The following BCAS3 variants were observed in gnomAD, a reference collection of about 807,000 sequenced individuals.
BCAS3 encodes the protein BCAS4/BCAS3 fusion.
A neutral mutation model predicts 116.1 loss-of-function variants in BCAS3; 53 were observed. The ratio of observed to expected loss-of-function variants is 0.46; its 90% confidence interval spans 0.37 to 0.57. BCAS3 has a LOEUF of 0.57. Among genes scored for constraint, BCAS3 ranks in the 20% least tolerant of loss-of-function variants. The probability of loss-of-function intolerance (pLI) is 0.00; values close to 1 mark genes in which losing one functional copy is unlikely to be tolerated. For missense variants in BCAS3, 917 were observed against 1,165.4 expected (o/e 0.79, Z 3.10); for synonymous variants, 391 against 408.2 (o/e 0.96, Z 0.51).
chr17:61,111,143 G>C (rs1269263519), intron 22 of BCAS3, among the ~76,000 whole-genome samples: 1 of 151,508 alleles, frequency 6.6e-6, no homozygotes, highest in Non-Finnish European at 1.5e-5. Flanking sequence ...GGAAAAAACA[G>C]AACAGAAAAA....
At chr17:60,682,470 C>T (rs950109090) in intron 2 of BCAS3, among the ~76,000 whole-genome samples, 2 of 152,092 alleles carry the variant, frequency 1.3e-5, no homozygotes, top group African/African-American at 4.8e-5. Flanking sequence ...ATATTATTTT[C>T]AAGTGTGATT....
chr17:61,093,753 T>C (rs2143611866), intron 22 of BCAS3, among the ~76,000 whole-genome samples: 1 of 152,350 alleles, frequency 6.6e-6, no homozygotes, highest in African/African-American at 2.4e-5. Context: ...TTCTGTTACA[T>C]TGATTTATAT....
At chr17:61,210,402 A>T (rs2144329256) in intron 22 of BCAS3, among the ~76,000 whole-genome samples, 1 of 152,292 alleles carries the variant, frequency 6.6e-6, no homozygotes, top group Admixed American at 6.5e-5. Context: ...GGAACCCTTT[A>T]GAAATTTACC....
chr17:61,081,329 T>C (rs904063773), intron 21 of BCAS3, among the ~76,000 whole-genome samples: 18 of 152,200 alleles, frequency 1.2e-4, no homozygotes, highest in African/African-American at 3.6e-4. Flanking sequence ...CTTTCTTTGT[T>C]ACTCTTTTCC....
intron 22 of BCAS3, among the ~76,000 whole-genome samples, chr17:61,223,125 T>C (rs1196081482): frequency 6.6e-6 from 1 of 151,940 alleles, no homozygotes; most frequent in Non-Finnish European, 1.5e-5. Context: ...TTAATTTTAC[T>C]TTCAATATGT....
intron 22 of BCAS3, among the ~76,000 whole-genome samples, chr17:61,111,549 A>G (rs2075093095): frequency 6.6e-6 from 1 of 151,424 alleles, no homozygotes; most frequent in African/African-American, 2.4e-5. Flanking sequence ...AAGAATAAAA[A>G]GAAATGAGCA....
In BCAS3 at chr17:61,156,249, C is replaced by G. The variant is rs1473854101; in HGVS notation, c.2425+71685C>G. ...TGGTTAAAGTTTGGGTCAATGTATT[C>G]ATTTTGGTCTTCTTTTCAGGGATTG... On this transcript the variant is annotated intron_variant, in intron 22 of 23. Transcript: ENST00000407086. The surrounding 1 kb of genome is among the most constrained non-coding windows in gnomAD (Gnocchi z 4.7). 6.6e-6 allele frequency among the ~76,000 whole-genome samples: 1 copy of G among 151,624 alleles called. No homozygotes were observed. The highest frequency in any genetic ancestry group is 1.5e-5 in the Non-Finnish European group (1 of 67,930).
At chr17:61,159,641 C>T (rs934648455) in intron 22 of BCAS3, among the ~76,000 whole-genome samples, 1 of 152,148 alleles carries the variant, frequency 6.6e-6, no homozygotes, top group Non-Finnish European at 1.5e-5. Context: ...AGTGAAAACA[C>T]CCTTGCCTTC....
At chr17:61,055,308 C>G (rs529001083) in intron 19 of BCAS3, among the ~76,000 whole-genome samples, 1 of 152,306 alleles carries the variant, frequency 6.6e-6, no homozygotes, top group South Asian at 2.1e-4. Context: ...AACAGGAATT[C>G]TGGCGCCATT....
chr17:61,038,187 C>A, intron 18 of BCAS3, 133 bp downstream of exon 18: 1 of 738,540 alleles, frequency 1.4e-6, no homozygotes, highest in Non-Finnish European at 2.1e-6. Context: ...TAAACAAATA[C>A]ATCACTCTCA....
chr17:60,891,502 A>G (rs568874230), intron 10 of BCAS3, among the ~76,000 whole-genome samples: 1 of 152,238 alleles, frequency 6.6e-6, no homozygotes, highest in Non-Finnish European at 1.5e-5. Flanking sequence ...ATGTCCTTAC[A>G]TAGTATTTTC....
At position 61,249,850 on chromosome 17, in the gene BCAS3, A is replaced by G. The variant is rs1228648300; in HGVS notation, c.2426-118477A>G. On this transcript the variant is annotated intron_variant, in intron 22 of 23. Transcript: ENST00000407086. The surrounding 1 kb of genome is among the most constrained non-coding windows in gnomAD (Gnocchi z 6.2). Reference sequence around the variant, plus strand: ...CCTGATAGACCCATGGAATACAAAAAAAATGTGATGACCCAATCACATTTA... The same window carrying G: ...CCTGATAGACCCATGGAATACAAAAGAAATGTGATGACCCAATCACATTTA... 2.6e-5 allele frequency among the ~76,000 whole-genome samples: 4 copies of G among 152,354 alleles called. No individual in the cohort carries two copies. The highest frequency in any genetic ancestry group is 9.6e-5 in the African/African-American group (4 of 41,586).
At position 60,747,207 on chromosome 17, in the gene BCAS3, G is replaced by A. The variant is rs748225804; in HGVS notation, c.331G>A (p.Glu111Lys). ...TTCTTCTCTTATGCAGATCAGTGGT[G>A]AAGCACAAGAGCTCTTCTCTGTTCG... is the stretch of plus-strand genomic sequence containing the variant. ...MQVWSIPISG[E>K]AQELFSVRHG... The change falls in exon 6 of 24, where the codon GAA (glutamate) becomes AAA (lysine). Residue 111 changes from glutamate (E) to lysine (K), a missense_variant. Around this residue, in one of 3 missense-constraint regions of BCAS3, gnomAD observed 807 missense variants for 1,026.0 expected, o/e 0.79. Coordinates refer to ENST00000407086, the MANE Select transcript of BCAS3 (RefSeq NM_017679.5). 30 of 1,611,220 alleles carry A rather than the reference G, an allele frequency of 1.9e-5. No individual in the cohort carries two copies. Among genetic ancestry groups the A allele is most frequent in the Non-Finnish European group, 2.4e-5 (28 of 1,177,772 alleles).
At position 61,213,320 on chromosome 17, in the gene BCAS3, C is replaced by T. The variant is rs960186636; in HGVS notation, c.2425+128756C>T. Reference sequence around the variant, plus strand: ...GAGTAGCTGGGATTACAGGCTCCTGCCACCATGCCCGGCTAATTTTTGTAT... The same window carrying T: ...GAGTAGCTGGGATTACAGGCTCCTGTCACCATGCCCGGCTAATTTTTGTAT... On this transcript the variant is annotated intron_variant, in intron 22 of 23. Coordinates refer to ENST00000407086, the MANE Select transcript of BCAS3 (RefSeq NM_017679.5). The surrounding 1 kb of genome is among the most constrained non-coding windows in gnomAD (Gnocchi z 5.4). Among the ~76,000 whole-genome samples the T allele has an allele frequency of 6.6e-6, 1 of 152,066 alleles. No homozygotes were observed. Among genetic ancestry groups the T allele is most frequent in the African/African-American group, 2.4e-5 (1 of 41,394 alleles).
Position 61,076,700 on chromosome 17 carries a change from G to A in BCAS3, c.2131-1633G>A, listed in dbSNP as rs1019130543. On this transcript the variant is annotated intron_variant, in intron 20 of 23. Transcript: ENST00000407086. ...AATAGGAACATCTGGCCATCGCCTC[G>A]GTGAAATTGAACAGGCATCTGTTTA... Among the ~76,000 whole-genome samples the A allele has an allele frequency of 1.1e-4, 16 of 152,248 alleles. 1 individual carries two copies. Among genetic ancestry groups the A allele is most frequent in the Admixed American group, 7.9e-4 (12 of 15,284 alleles).
chr17:60,917,756 C>A (rs1440530063), intron 12 of BCAS3, among the ~76,000 whole-genome samples: 3 of 152,136 alleles, frequency 2.0e-5, no homozygotes, highest in Non-Finnish European at 2.9e-5. Flanking sequence ...CCATGTCTGG[C>A]TAATTCTTGT....
intron 22 of BCAS3, among the ~76,000 whole-genome samples, chr17:61,185,336 T>C (rs2079704980): frequency 6.6e-6 from 1 of 152,184 alleles, no homozygotes; most frequent in South Asian, 2.1e-4. Context: ...TATAAGCCTC[T>C]ACTTCAGCCA....
chr17:60,999,124 G>A (rs979422433), intron 15 of BCAS3, among the ~76,000 whole-genome samples: 10 of 152,140 alleles, frequency 6.6e-5, no homozygotes, highest in Non-Finnish European at 1.2e-4. Flanking sequence ...AGAATATCAG[G>A]TGGTTGTAGG....
intron 22 of BCAS3, among the ~76,000 whole-genome samples, chr17:61,320,477 C>G (rs898472263): frequency 6.6e-6 from 1 of 151,884 alleles, no homozygotes; most frequent in Non-Finnish European, 1.5e-5. Flanking sequence ...GTCAGGAGAT[C>G]GAGACCATCC....
Sources: allele counts gnomAD v4.1 joint callset (sites outside exome capture counted in the v4.1 genomes callset), GRCh38; gene constraint gnomAD v4.1.1; regional missense constraint gnomAD v4.1.1; non-coding constraint Gnocchi (gnomAD v3.1); transcripts MANE v1.5; gene names NCBI Gene and HGNC (gene_info 2026-07-23, HGNC 2026-07-21).